The following KNTC1 variants were observed in gnomAD, a reference collection of about 807,000 sequenced individuals.
KNTC1 encodes kinetochore associated 1.
In KNTC1, 253 loss-of-function variants were observed where a neutral mutation model predicts 314.4. The observed-to-expected ratio is 0.80, with a 90% CI of 0.73 to 0.89. The LOEUF (loss-of-function observed/expected upper bound fraction) is 0.89, where lower values mean the gene tolerates loss of function less well. KNTC1 is among the 40% of genes least tolerant of loss of function. The pLI, the probability that KNTC1 is intolerant of heterozygous loss-of-function variation, is 0.00. For missense variants in KNTC1, 2,475 were observed against 2,572.9 expected (o/e 0.96, Z 0.82); for synonymous variants, 901 against 901.4 (o/e 1.00, Z 0.01).
chr12:122,540,997 C>T (rs987376174), intron 5 of KNTC1, among the ~76,000 whole-genome samples: 3 of 151,866 alleles, frequency 2.0e-5, no homozygotes, highest in African/African-American at 7.3e-5. Flanking sequence ...ATAGAGAGAC[C>T]GCCACCTCTA....
rs367873698 is a variant in KNTC1 at position 122,610,845 on chromosome 12, G to A, written c.5567G>A (p.Arg1856His). The A allele has an allele frequency of 3.7e-5, 59 of 1,612,698 alleles. No homozygotes were observed. Among genetic ancestry groups the A allele is most frequent in the South Asian group, 2.6e-4 (24 of 91,052 alleles). ...LRRVQYLLLS[R>H]PIDYSSRMLF... Reference sequence around the variant, plus strand: ...AGAGTGCAGTATCTCCTCCTGTCTCGTCCAATTGATTATAGTTCAAGAATG... The same window carrying A: ...AGAGTGCAGTATCTCCTCCTGTCTCATCCAATTGATTATAGTTCAAGAATG... Residue 1856 changes from arginine (R) to histidine (H), a missense_variant, in exon 53 of 64, where the codon CGT becomes CAT. Transcript: ENST00000333479.
rs1872478077 is a variant in KNTC1, at chr12:122,605,358, A to T, written c.5439A>T (p.Glu1813Asp). Residue 1813 changes from glutamate to aspartate, a missense_variant, in exon 51 of 64, where the codon GAA (glutamate) becomes GAT (aspartate). By Grantham distance (45) the Glu-to-Asp change is conservative. Transcript: ENST00000333479. ...CCGAAGTCAATGAAATTAATTTGGA[A>T]AAAGTCTGGGACATGTTGTTGGAAA... The part of the protein sequence containing the change: ...EIAEVNEINL[E>D]KVWDMLLEKW... 1 of 1,606,788 alleles carries T rather than the reference A, an allele frequency of 6.2e-7. No individual in the cohort carries two copies. Among genetic ancestry groups the T allele is most frequent in the South Asian group, 1.1e-5 (1 of 89,330 alleles).
At position 122,573,158 on chromosome 12, in the gene KNTC1, T is replaced by C. The variant is rs1164965207; in HGVS notation, c.2156T>C (p.Ile719Thr). 7 of 1,613,836 alleles carry C rather than the reference T, an allele frequency of 4.3e-6. No homozygotes were observed. The African/African-American group carries it at 8.0e-5, about 18-fold the overall frequency. Residue 719 changes from isoleucine to threonine, a missense_variant, in exon 26 of 64, where the codon ATA (isoleucine) becomes ACA (threonine). Physicochemically the swap from Ile to Thr is moderately conservative, Grantham distance 89 (BLOSUM62 -1). Transcript: ENST00000333479. ...SDFEKENTTT[I>T]VFRMFDKVLA... ...GGCATCCAGGAAAATACAACCACCA[T>C]AGTGTTCCGAATGTTTGATAAAGTG... is the stretch of plus-strand genomic sequence containing the variant.
intron 58 of KNTC1, 30 bp downstream of exon 58, chr12:122,618,427 G>A (rs749090659): frequency 2.5e-6 from 4 of 1,612,714 alleles, no homozygotes; most frequent in Non-Finnish European, 3.4e-6. Flanking sequence ...ATTGGCTACA[G>A]CATTTTATAG....
Position 122,626,088 on chromosome 12 carries a change from A to G in KNTC1, c.6607-117A>G, listed in dbSNP as rs1290050235. 3 of 726,608 alleles carry G rather than the reference A, an allele frequency of 4.1e-6. No homozygotes were observed. In the African/African-American group the frequency reaches 5.4e-5, roughly 13 times the overall value. The allele number at this position is 726,608 out of a possible 1,614,324, so 45.0% of individuals were successfully genotyped here. A position where few individuals can be genotyped will look rare whatever the true frequency, so the allele number is the denominator to read the frequency against. On this transcript the variant is annotated intron_variant, in intron 63 of 63. Transcript: ENST00000333479. ...GTTTCTCTCTAATCTAAAATGCCAA[A>G]TAGTTTGATATGTAGATTTGTATCA...
intron 42 of KNTC1, among the ~76,000 whole-genome samples, chr12:122,591,895 C>G (rs1437097352): frequency 6.6e-6 from 1 of 152,254 alleles, no homozygotes; most frequent in Non-Finnish European, 1.5e-5. Flanking sequence ...CTCTCGGCGC[C>G]TCCTCTGCCT....
intron 6 of KNTC1, among the ~76,000 whole-genome samples, chr12:122,543,275 A>G (rs1281719781): frequency 6.6e-6 from 1 of 151,812 alleles, no homozygotes; most frequent in African/African-American, 2.4e-5. Flanking sequence ...ATATGACAAG[A>G]TTGAAGATTT....
chr12:122,604,549 A>G lies in KNTC1; in HGVS notation c.5102-15A>G, dbSNP rs369749156. The stretch of plus-strand genomic sequence containing the variant: ...CCTGTAAATCTTTATTTATTTATTT[A>G]TTTATTTATTTTAGGTTCCTTCAAG... On this transcript the variant is annotated splice_polypyrimidine_tract_variant and intron_variant, in intron 48 of 63. Coordinates refer to ENST00000333479, the MANE Select transcript of KNTC1 (RefSeq NM_014708.6). 1.9e-5 allele frequency: 23 copies of G among 1,236,700 alleles called. 1 individual carries two copies. The highest frequency in any genetic ancestry group is 2.4e-5 in the Non-Finnish European group (21 of 864,098). The allele number at this position is 1,236,700 out of a possible 1,614,324, so 76.6% of individuals were successfully genotyped here. A position where few individuals can be genotyped will look rare whatever the true frequency, so the allele number is the denominator to read the frequency against.
At chr12:122,566,238 G>A (rs915232072) in intron 20 of KNTC1, among the ~76,000 whole-genome samples, 7 of 151,188 alleles carry the variant, frequency 4.6e-5, no homozygotes, top group African/African-American at 1.7e-4. Flanking sequence ...ACTGCGCCCG[G>A]CCTAAATCTT....
chr12:122,534,906 C>G lies in KNTC1; in HGVS notation c.250+122C>G. Reference sequence around the variant, plus strand: ...CTAAGATTTCAAATTAGACCAATTTCAAGTAATTAAGCTTGAGTGCTTAGT... The same window carrying G: ...CTAAGATTTCAAATTAGACCAATTTGAAGTAATTAAGCTTGAGTGCTTAGT... On this transcript the variant is annotated intron_variant, in intron 3 of 63. Transcript: ENST00000333479. 7.2e-6 allele frequency: 7 copies of G among 968,610 alleles called. No individual in the cohort carries two copies. The South Asian group carries it at 7.8e-5, about 11-fold the overall frequency. The allele number at this position is 968,610 out of a possible 1,614,324, so 60.0% of individuals were successfully genotyped here.
In KNTC1 at chr12:122,575,586, T is replaced by C; in HGVS notation, c.2426T>C (p.Val809Ala). The change falls in exon 28 of 64, where the codon GTT becomes GCT. Residue 809 changes from valine to alanine, a missense_variant. Val to Ala is a moderately conservative substitution (Grantham distance 64, BLOSUM62 0). Coordinates refer to ENST00000333479, the MANE Select transcript of KNTC1 (RefSeq NM_014708.6). ...CTCAAGATCATGTATGCGGCAGTGG[T>C]TCCTTGGAGTGCAGCTGTGGAGCAA... Reference protein sequence around the residue: ...AVLKIMYAAVVPWSAAVEQLV... With the variant: ...AVLKIMYAAVAPWSAAVEQLV... The C allele has an allele frequency of 6.3e-7, 1 of 1,598,610 alleles. No individual in the cohort carries two copies. Among genetic ancestry groups the C allele is most frequent in the Non-Finnish European group, 8.5e-7 (1 of 1,172,392 alleles).
chr12:122,609,318 G>T, intron 51 of KNTC1, 66 bp from the exon 52 acceptor site: 1 of 899,156 alleles, frequency 1.1e-6, no homozygotes, highest in East Asian at 2.6e-5. Flanking sequence ...GATTTTCAGA[G>T]AGATGAATGT....
intron 57 of KNTC1, 132 bp from the exon 58 acceptor site, chr12:122,618,211 A>AT: frequency 1.4e-6 from 1 of 735,902 alleles, no homozygotes; most frequent in Non-Finnish European, 2.3e-6. Context: ...ACCTCAAGTG[A>AT]TTCACCTGCT....
Position 122,615,070 on chromosome 12 carries a change from T to C in KNTC1, c.5957T>C (p.Leu1986Pro). 1.2e-6 allele frequency: 2 copies of C among 1,612,248 alleles called. No homozygotes were observed. The highest frequency in any genetic ancestry group is 1.1e-5 in the South Asian group (1 of 90,752). Residue 1986 changes from leucine to proline, a missense_variant, in exon 56 of 64, where the codon CTT (leucine) becomes CCT (proline). Transcript: ENST00000333479. ...LQLWNGLLQK[L>P]LGFNMIPYLR... is the part of the protein sequence containing the mutation. ...CTTTGGAATGGACTCTTGCAAAAGC[T>C]TCTGGGCTTCAATATGGTAAGTAAG...
At chr12:122,567,779 A>G (rs1031908765) in intron 20 of KNTC1, among the ~76,000 whole-genome samples, 5 of 152,166 alleles carry the variant, frequency 3.3e-5, no homozygotes, top group Non-Finnish European at 5.9e-5. Context: ...CAAAGGTTGC[A>G]GTGAGCCGAG....
Position 122,582,717 on chromosome 12 carries a change from GTCTT to G in KNTC1, c.3002_3005del (p.Leu1001HisfsTer11). The G allele has an allele frequency of 6.2e-7, 1 of 1,601,030 alleles. No homozygotes were observed. The highest frequency in any genetic ancestry group is 8.5e-7 in the Non-Finnish European group (1 of 1,172,282). ...ACCTTTGCTACAGGAGAACTTTGAG[GTCTT>G]TCTTTCATTTGAAGATTATAGCAAT... On this transcript the variant is annotated frameshift_variant, in exon 34 of 64. Coordinates refer to ENST00000333479, the MANE Select transcript of KNTC1 (RefSeq NM_014708.6). LOFTEE classifies it high-confidence loss of function.
intron 29 of KNTC1, among the ~76,000 whole-genome samples, chr12:122,576,535 G>T (rs1339560075): frequency 1.3e-5 from 2 of 152,152 alleles, no homozygotes; most frequent in African/African-American, 2.4e-5. Context: ...AAAAAAATTA[G>T]CAGGGTGTGG....
At chr12:122,620,653 T>G (rs763775103) in intron 60 of KNTC1, 45 bp downstream of exon 60, 10 of 1,598,446 alleles carry the variant, frequency 6.3e-6, no homozygotes, top group Non-Finnish European at 8.5e-6. Context: ...AAATAGAAGG[T>G]TTCATCTTGC....
intron 2 of KNTC1, 41 bp from the exon 3 acceptor site, chr12:122,534,623 T>C (rs936123702): frequency 1.9e-6 from 3 of 1,552,338 alleles, no homozygotes; most frequent in African/African-American, 2.7e-5. Context: ...TAAACACATA[T>C]AAAAATGTTT....
Sources: gnomAD v4.1 joint callset for allele counts (sites outside exome capture counted in the v4.1 genomes callset) on GRCh38, gnomAD v4.1.1 for gene constraint, MANE v1.5 for transcripts, NCBI Gene and HGNC (gene_info 2026-07-23, HGNC 2026-07-21) for gene names.